Variants in NR1H4 observed in about 807,000 individuals in gnomAD.
The protein encoded by NR1H4 is nuclear receptor subfamily 1 group H member 4.
In NR1H4, 23 loss-of-function variants were observed where a neutral mutation model predicts 58.5. That is an observed-to-expected ratio of 0.39 (90% CI 0.28 to 0.56). NR1H4 has a LOEUF of 0.56. Among genes scored for constraint, NR1H4 ranks in the 20% least tolerant of loss-of-function variants. The probability of loss-of-function intolerance (pLI) is 0.58; values close to 1 mark genes in which losing one functional copy is unlikely to be tolerated. For synonymous variants in NR1H4, 214 were observed against 198.0 expected, an observed-to-expected ratio of 1.08 and a Z score of -0.68; for missense variants, 487 against 576.9, an observed-to-expected ratio of 0.84 and a Z score of 1.60.
intron 1 of NR1H4, among the ~76,000 whole-genome samples, chr12:100,486,106 TG>T (rs1259691793): frequency 6.6e-6 from 1 of 152,060 alleles, no homozygotes; most frequent in Non-Finnish European, 1.5e-5. Context: ...ATCAGGGGAG[TG>T]TCTGGGTGGT....
At chr12:100,527,263 C>T (rs1353113076) in intron 4 of NR1H4, among the ~76,000 whole-genome samples, 1 of 152,238 alleles carries the variant, frequency 6.6e-6, no homozygotes, top group Non-Finnish European at 1.5e-5. Flanking sequence ...CACAGTGGCT[C>T]ATGCCTGTAA....
intron 9 of NR1H4, among the ~76,000 whole-genome samples, chr12:100,553,415 C>T (rs1019152108): frequency 6.6e-6 from 1 of 152,196 alleles, no homozygotes; most frequent in Non-Finnish European, 1.5e-5. Context: ...AATTCTGCTT[C>T]TCTGTGACAG....
chr12:100,558,010 A>G (rs896489564), intron 9 of NR1H4, among the ~76,000 whole-genome samples: 2 of 152,150 alleles, frequency 1.3e-5, no homozygotes, highest in African/African-American at 2.4e-5. Flanking sequence ...GAATAAAGCA[A>G]TGCACAGAAG....
At chr12:100,547,910 C>T (rs572852775) in intron 9 of NR1H4, among the ~76,000 whole-genome samples, 170 of 150,712 alleles carry the variant, frequency 1.1e-3, no homozygotes, top group African/African-American at 2.3e-3. Flanking sequence ...TTAGTAGAGA[C>T]GGGGTTTTAC....
chr12:100,560,996 T>C (rs999102946), intron 9 of NR1H4, among the ~76,000 whole-genome samples: 11 of 151,862 alleles, frequency 7.2e-5, no homozygotes, highest in South Asian at 2.1e-4. Context: ...CTTAGTTCTG[T>C]GGTGTCTTTG....
chr12:100,545,922 G>A (rs1955059106), intron 9 of NR1H4, among the ~76,000 whole-genome samples: 1 of 152,126 alleles, frequency 6.6e-6, no homozygotes, highest in Non-Finnish European at 1.5e-5. Flanking sequence ...TCTGACACCT[G>A]TGAAAGTGGA....
rs1446418956 is a variant in NR1H4 at position 100,540,653 on chromosome 12, G to C, written c.932-19G>C. ...TATTGTTACTCCTTGATACCAATTT[G>C]ATTATCATCATTACCTAGGATTTCA... On this transcript the variant is annotated intron_variant, in intron 8 of 10. Transcript: ENST00000392986. The C allele has an allele frequency of 6.2e-7, 1 of 1,612,960 alleles. No homozygotes were observed. The highest frequency in any genetic ancestry group is 1.3e-5 in the African/African-American group (1 of 74,900).
intron 3 of NR1H4, among the ~76,000 whole-genome samples, chr12:100,496,677 T>C (rs7294586): frequency 0.16 from 24,101 of 152,148 alleles, 4,014 homozygotes; most frequent in East Asian, 0.45. Context: ...GGTGACTTAA[T>C]GGTACTCACT....
chr12:100,541,697 T>C (rs1207352856), intron 9 of NR1H4, among the ~76,000 whole-genome samples: 1 of 151,572 alleles, frequency 6.6e-6, no homozygotes, highest in Non-Finnish European at 1.5e-5. Context: ...TGGGTTCAAG[T>C]GATTTTTTTG....
rs10617220 is a variant in NR1H4, at chr12:100,558,349, C to CAAA, written c.1079-3511_1079-3509dup. Among the ~76,000 whole-genome samples, 12 of 79,966 alleles carry CAAA rather than the reference C, an allele frequency of 1.5e-4. 1 individual carries two copies. Among genetic ancestry groups the CAAA allele is most frequent in the South Asian group, 5.9e-4 (1 of 1,708 alleles). 52.5% of individuals were successfully genotyped at this position (79,966 alleles called of 152,430 possible). A position where few individuals can be genotyped will look rare whatever the true frequency, so the allele number is the denominator to read the frequency against. ...GGGCAACAAGAGTGAGATTCCATCT[C>CAAA]AAAAAAAAAAAAAAAAAAAAAAAAA... is the stretch of plus-strand genomic sequence containing the variant. On this transcript the variant is annotated intron_variant, in intron 9 of 10. Transcript: ENST00000392986.
At chr12:100,538,945 T>C (rs1954872601) in intron 8 of NR1H4, among the ~76,000 whole-genome samples, 1 of 152,184 alleles carries the variant, frequency 6.6e-6, no homozygotes, top group Admixed American at 6.5e-5. Context: ...CTGGATTATA[T>C]AAGAGTAAAA....
At chr12:100,489,242 A>T (rs1302530060) in intron 1 of NR1H4, among the ~76,000 whole-genome samples, 2 of 152,224 alleles carry the variant, frequency 1.3e-5, no homozygotes, top group Non-Finnish European at 2.9e-5. Context: ...TAATCTTTAC[A>T]TTTATTCATA....
At chr12:100,558,204 C>CAAAA (rs569114964) in intron 9 of NR1H4, among the ~76,000 whole-genome samples, 14 of 84,780 alleles carry the variant, frequency 1.7e-4, no homozygotes, top group Admixed American at 5.5e-4. Context: ...ACTAAAAATA[C>CAAAA]AAAAAAAAAA....
intron 9 of NR1H4, among the ~76,000 whole-genome samples, chr12:100,553,136 C>T (rs535082447): frequency 1.3e-5 from 2 of 152,176 alleles, no homozygotes; most frequent in East Asian, 1.9e-4. Context: ...GTAGCTGGGA[C>T]TACAGGCGCG....
chr12:100,541,250 A>G (rs1387223364), intron 9 of NR1H4, among the ~76,000 whole-genome samples: 2 of 151,988 alleles, frequency 1.3e-5, no homozygotes, highest in African/African-American at 2.4e-5. Flanking sequence ...TATGTCATTT[A>G]CTAGGTCTCA....
At chr12:100,498,498 C>T (rs111401467) in intron 3 of NR1H4, among the ~76,000 whole-genome samples, 4,698 of 151,852 alleles carry the variant, frequency 0.031, 161 homozygotes, top group East Asian at 0.15. Flanking sequence ...ATTAGCTGGG[C>T]GTGGTGGCAC....
chr12:100,538,957 CTG>C (rs1367476923), intron 8 of NR1H4, among the ~76,000 whole-genome samples: 2 of 152,190 alleles, frequency 1.3e-5, no homozygotes, highest in East Asian at 3.9e-4. Flanking sequence ...AGAGTAAAAA[CTG>C]TGGAGGAAAG....
At chr12:100,559,460 G>C (rs1593140604) in intron 9 of NR1H4, among the ~76,000 whole-genome samples, 1 of 152,218 alleles carries the variant, frequency 6.6e-6, no homozygotes, top group African/African-American at 2.4e-5. Context: ...GGGCTTGGCG[G>C]GCCCCTCACT....
intron 3 of NR1H4, among the ~76,000 whole-genome samples, chr12:100,500,387 T>G (rs1953807425): frequency 6.6e-6 from 1 of 152,190 alleles, no homozygotes; most frequent in Non-Finnish European, 1.5e-5. Flanking sequence ...CCAAATACTC[T>G]GCCGAACAGT....
Sources: allele counts gnomAD v4.1 joint callset (sites outside exome capture counted in the v4.1 genomes callset), GRCh38; gene constraint gnomAD v4.1.1; transcripts MANE v1.5; gene names NCBI Gene and HGNC (gene_info 2026-07-23, HGNC 2026-07-21).